The following ACOXL variants were observed in gnomAD, a reference collection of about 807,000 sequenced individuals.
ACOXL encodes acyl-CoA oxidase like.
Under a neutral mutation model 71.9 loss-of-function variants are expected in ACOXL, and 70 were observed. The ratio of observed to expected loss-of-function variants is 0.97; its 90% CI spans 0.80 to 1.19. ACOXL has a LOEUF of 1.19. Ranked by LOEUF, ACOXL falls within the 50% of genes most tolerant of loss-of-function variation. The pLI is 0.00. For missense variants in ACOXL, 703 were observed against 736.3 expected (o/e 0.95, Z 0.52); for synonymous variants, 253 against 281.6 (o/e 0.90, Z 1.02).
At chr2:111,055,552 C>T (rs909033160) in intron 16 of ACOXL, among the ~76,000 whole-genome samples, 9 of 152,244 alleles carry the variant, frequency 5.9e-5, no homozygotes, top group South Asian at 2.1e-4. Context: ...TCCTAAGCTC[C>T]GACCAGCAAG....
At chr2:111,009,778 T>G (rs1402983751) in intron 14 of ACOXL, among the ~76,000 whole-genome samples, 1 of 152,138 alleles carries the variant, frequency 6.6e-6, no homozygotes, top group African/African-American at 2.4e-5. Flanking sequence ...GGAGTCAGAA[T>G]TTTTAGTCTG....
intron 14 of ACOXL, among the ~76,000 whole-genome samples, chr2:111,019,203 AT>A (rs1016638293): frequency 5.9e-5 from 9 of 152,330 alleles, no homozygotes; most frequent in African/African-American, 2.2e-4. Context: ...TGTAAAATCT[AT>A]TTAAGGCCTC....
At chr2:110,799,882 AACTC>A (rs1685745942) in intron 7 of ACOXL, among the ~76,000 whole-genome samples, 1 of 152,074 alleles carries the variant, frequency 6.6e-6, no homozygotes, top group Non-Finnish European at 1.5e-5. Flanking sequence ...TGCTCTGTAA[AACTC>A]ACCAATCAGC....
At chr2:110,971,640 A>G (rs1455782570) in intron 12 of ACOXL, among the ~76,000 whole-genome samples, 2 of 152,234 alleles carry the variant, frequency 1.3e-5, no homozygotes, top group African/African-American at 2.4e-5. Context: ...TAAAAAGTGT[A>G]TTAGAATGAG....
chr2:111,115,290 T>G (rs896850592), intron 17 of ACOXL, among the ~76,000 whole-genome samples: 8 of 152,240 alleles, frequency 5.3e-5, no homozygotes, highest in African/African-American at 1.9e-4. Flanking sequence ...AATAATACAC[T>G]GCTTAGCCCC....
chr2:110,921,126 G>A (rs2060051050), intron 11 of ACOXL, among the ~76,000 whole-genome samples: 1 of 151,834 alleles, frequency 6.6e-6, no homozygotes, highest in African/African-American at 2.4e-5. Context: ...TCTTTTTAAT[G>A]TCTGTGGGAT....
chr2:110,805,601 T>G (rs1686541399), intron 9 of ACOXL, among the ~76,000 whole-genome samples: 1 of 152,116 alleles, frequency 6.6e-6, no homozygotes, highest in South Asian at 2.1e-4. Flanking sequence ...CCCATCTACA[T>G]CCCAGATGTG....
chr2:110,946,758 A>G (rs1334039359), intron 12 of ACOXL, among the ~76,000 whole-genome samples: 9 of 152,066 alleles, frequency 5.9e-5, no homozygotes, highest in Non-Finnish European at 1.2e-4. Context: ...CCCCGTGGTT[A>G]GTGTTAGCTG....
rs143056229 is a variant in ACOXL, at chr2:110,931,473, G to A, written c.906-2016G>A. Among the ~76,000 whole-genome samples the A allele has an allele frequency of 5.4e-3, 816 of 152,236 alleles. 2 individuals carry two copies. The highest frequency in any genetic ancestry group is 8.0e-3 in the Non-Finnish European group (547 of 67,996). On this transcript the variant is annotated intron_variant, in intron 11 of 17. Transcript: ENST00000439055. Reference sequence around the variant, plus strand: ...TATAGTCACAGCCCGGAGCATGGGTGATGATAATATAGCATAGATGAAAAT... The same window carrying A: ...TATAGTCACAGCCCGGAGCATGGGTAATGATAATATAGCATAGATGAAAAT...
intron 14 of ACOXL, among the ~76,000 whole-genome samples, chr2:111,007,254 C>A (rs1352408775): frequency 6.6e-6 from 1 of 152,156 alleles, no homozygotes; most frequent in South Asian, 2.1e-4. Flanking sequence ...TATGCAGATA[C>A]CCTATTTTTC....
intron 12 of ACOXL, among the ~76,000 whole-genome samples, chr2:110,934,497 T>C (rs905476291): frequency 2.0e-5 from 3 of 152,196 alleles, no homozygotes; most frequent in African/African-American, 7.2e-5. Context: ...ACAGCACCTC[T>C]GAACATGAAG....
chr2:110,828,161 A>G (rs1689386012), intron 9 of ACOXL, among the ~76,000 whole-genome samples: 1 of 152,088 alleles, frequency 6.6e-6, no homozygotes, highest in East Asian at 1.9e-4. Context: ...TTGAAGAGAC[A>G]GGGTCTTACT....
chr2:110,966,273 G>T (rs866054924), intron 12 of ACOXL, among the ~76,000 whole-genome samples: 1 of 152,166 alleles, frequency 6.6e-6, no homozygotes, highest in Admixed American at 6.5e-5. Flanking sequence ...CCACTCAGCA[G>T]CAACAAGAAC....
Position 111,118,260 on chromosome 2 carries a change from A to C in ACOXL, c.*444A>C. 5.7e-6 allele frequency: 1 copy of C among 174,824 alleles called. No homozygotes were observed. The highest frequency in any genetic ancestry group is 1.2e-5 in the Non-Finnish European group (1 of 83,470). The allele number at this position is 174,824 out of a possible 1,614,324, so 10.8% of individuals were successfully genotyped here. On this transcript the variant is annotated 3_prime_UTR_variant, in exon 18 of 18. Coordinates refer to ENST00000439055, the MANE Select transcript of ACOXL (RefSeq NM_001142807.4). ...GCAAACACCCTTAGACAAAAGAAAA[A>C]AGCTCCACTCTTTCCGCGAGCGGGA...
At chr2:110,971,964 T>C (rs2062210339) in intron 12 of ACOXL, among the ~76,000 whole-genome samples, 1 of 152,156 alleles carries the variant, frequency 6.6e-6, no homozygotes, top group African/African-American at 2.4e-5. Flanking sequence ...GACCCTGAAG[T>C]TGTGATTTAG....
At chr2:110,932,876 A>C (rs1431633036) in intron 11 of ACOXL, among the ~76,000 whole-genome samples, 1 of 152,168 alleles carries the variant, frequency 6.6e-6, no homozygotes, top group Admixed American at 6.5e-5. Context: ...GTGGAGACTC[A>C]TGGTTGCACG....
intron 10 of ACOXL, among the ~76,000 whole-genome samples, chr2:110,894,009 A>G (rs536942202): frequency 8.5e-5 from 13 of 152,256 alleles, no homozygotes; most frequent in Non-Finnish European, 1.9e-4. Context: ...CGCTCTTTAT[A>G]TGGAAGCTAA....
At chr2:111,007,331 G>A (rs1366657752) in intron 14 of ACOXL, among the ~76,000 whole-genome samples, 2 of 152,152 alleles carry the variant, frequency 1.3e-5, no homozygotes, top group Non-Finnish European at 2.9e-5. Flanking sequence ...TAATACTGTG[G>A]TGTTTGCCTA....
At chr2:111,106,528 A>G (rs1453449755) in intron 17 of ACOXL, among the ~76,000 whole-genome samples, 1 of 152,188 alleles carries the variant, frequency 6.6e-6, no homozygotes, top group Non-Finnish European at 1.5e-5. Flanking sequence ...TCATGTTGGC[A>G]TTGACATCTA....
Sources: allele counts gnomAD v4.1 joint callset (sites outside exome capture counted in the v4.1 genomes callset), GRCh38; gene constraint gnomAD v4.1.1; transcripts MANE v1.5; gene names NCBI Gene and HGNC (gene_info 2026-07-23, HGNC 2026-07-21).